The following OXR1 variants were observed in gnomAD, a reference collection of about 807,000 sequenced individuals.
OXR1 encodes oxidation resistance protein 1.
In OXR1, 41 loss-of-function variants were observed where a neutral mutation model predicts 104.6. The ratio of observed to expected loss-of-function variants is 0.39; its 90% confidence interval spans 0.31 to 0.51. The LOEUF (loss-of-function observed/expected upper bound fraction) is 0.51. Ranked by LOEUF, OXR1 falls within the 20% of genes least tolerant of loss-of-function variation. The pLI, the probability that OXR1 is intolerant of heterozygous loss-of-function variation, is 0.77. For missense variants in OXR1, 955 were observed against 1,031.9 expected, an observed-to-expected ratio of 0.93 and a Z score of 1.02; for synonymous variants, 348 against 348.4, an observed-to-expected ratio of 1.00 and a Z score of 0.01.
chr8:106,585,360 A>T (rs1347907291), intron 3 of OXR1, among the ~76,000 whole-genome samples: 2 of 152,040 alleles, frequency 1.3e-5, no homozygotes, highest in Non-Finnish European at 2.9e-5. Context: ...ATCCCAGGTT[A>T]TTTTATTCAC....
chr8:106,674,351 C>T (rs536777955), intron 3 of OXR1, among the ~76,000 whole-genome samples: 1 of 152,294 alleles, frequency 6.6e-6, no homozygotes, highest in South Asian at 2.1e-4. Context: ...GACCTGTAGT[C>T]CCTTTGGTTT....
intron 1 of OXR1, among the ~76,000 whole-genome samples, chr8:106,333,241 C>A (rs1340576960): frequency 1.3e-5 from 2 of 152,054 alleles, no homozygotes; most frequent in Non-Finnish European, 2.9e-5. Flanking sequence ...CAGCTATGAA[C>A]CATTTTACAT....
chr8:106,428,587 T>C (rs1273592930), intron 2 of OXR1, among the ~76,000 whole-genome samples: 1 of 150,916 alleles, frequency 6.6e-6, no homozygotes, highest in Non-Finnish European at 1.5e-5. Context: ...GCCACACTCA[T>C]GGGCCTGGAG....
chr8:106,644,568 G>A (rs1486689225), intron 3 of OXR1, among the ~76,000 whole-genome samples: 3 of 152,170 alleles, frequency 2.0e-5, no homozygotes, highest in Non-Finnish European at 2.9e-5. Flanking sequence ...ACTGATGGAG[G>A]CTCCACCATC....
intron 1 of OXR1, among the ~76,000 whole-genome samples, chr8:106,273,956 A>C (rs1043572376): frequency 2.0e-5 from 3 of 152,240 alleles, no homozygotes; most frequent in African/African-American, 7.2e-5. Context: ...GCTTTTTAAA[A>C]GCGATAATCT....
Position 106,706,833 on chromosome 8 carries a change from G to C in OXR1, c.1312G>C (p.Glu438Gln), listed in dbSNP as rs1483984817. 2 of 1,612,742 alleles carry C rather than the reference G, an allele frequency of 1.2e-6. No individual in the cohort carries two copies. The highest frequency in any genetic ancestry group is 3.4e-5 in the Admixed American group (2 of 59,670). ...CTTTCAAGGAATATCAGGTCCTAAA[G>C]AAGACAGCACAAGTATAAAAGGTAA... ...DNFQGISGPKEDSTSIKGNSD... is the reference protein window; with the variant it reads ...DNFQGISGPKQDSTSIKGNSD... Residue 438 changes from glutamate (E) to glutamine (Q), a missense_variant, in exon 9 of 17, where the codon GAA (glutamate) becomes CAA (glutamine). By Grantham distance (29) the Glu-to-Gln change is conservative (BLOSUM62 2). Transcript: ENST00000517566.
intron 6 of OXR1, among the ~76,000 whole-genome samples, chr8:106,687,472 G>A (rs1429203922): frequency 6.6e-6 from 1 of 152,120 alleles, no homozygotes; most frequent in African/African-American, 2.4e-5. Flanking sequence ...GGTAATCCCA[G>A]CACTTTGGGA....
chr8:106,503,556 A>G (rs559877421), intron 2 of OXR1, among the ~76,000 whole-genome samples: 1 of 152,286 alleles, frequency 6.6e-6, no homozygotes, highest in Non-Finnish European at 1.5e-5. Context: ...CTTATCCCAA[A>G]TAGGTAAGAG....
At chr8:106,567,917 G>A (rs1318157278) in intron 3 of OXR1, among the ~76,000 whole-genome samples, 1 of 152,052 alleles carries the variant, frequency 6.6e-6, no homozygotes, top group Non-Finnish European at 1.5e-5. Context: ...AAATAAAGTA[G>A]AATCATTGCT....
At chr8:106,542,154 A>G (rs1013496067) in intron 3 of OXR1, among the ~76,000 whole-genome samples, 1 of 152,188 alleles carries the variant, frequency 6.6e-6, no homozygotes, top group Non-Finnish European at 1.5e-5. Flanking sequence ...CACAATTTTA[A>G]TAGGTAGGCA....
rs869120573 is a variant in OXR1, at chr8:106,339,519, A to AAAAAAT, written c.-138-19956_-138-19955insAAAATA. On this transcript the variant is annotated intron_variant, in intron 1 of 16. Transcript: ENST00000517566. ...AAAAAAAAAAAAAAAAAAAAAAAAA[A>AAAAAAT]ATATATATATATATATATATATATA... is the stretch of plus-strand genomic sequence containing the variant. Among the ~76,000 whole-genome samples the AAAAAAT allele has an allele frequency of 3.9e-4, 13 of 33,360 alleles. 1 individual carries two copies. The highest frequency in any genetic ancestry group is 1.8e-3 in the East Asian group (1 of 564). The allele number at this position is 33,360 out of a possible 152,430, so 21.9% of individuals were successfully genotyped here.
intron 3 of OXR1, among the ~76,000 whole-genome samples, chr8:106,524,980 C>G (rs931123982): frequency 6.6e-6 from 1 of 152,170 alleles, no homozygotes; most frequent in Non-Finnish European, 1.5e-5. Context: ...CTCCTGTTTT[C>G]TTGTGTTGGC....
chr8:106,631,299 CG>C (rs1225335437), intron 3 of OXR1, among the ~76,000 whole-genome samples: 1 of 152,086 alleles, frequency 6.6e-6, no homozygotes, highest in African/African-American at 2.4e-5. Context: ...TAGAGATAAA[CG>C]TAAGTATTAC....
At chr8:106,544,556 CTCT>C (rs1352986049) in intron 3 of OXR1, among the ~76,000 whole-genome samples, 1 of 152,112 alleles carries the variant, frequency 6.6e-6, no homozygotes, top group African/African-American at 2.4e-5. Context: ...AAGAGCAATG[CTCT>C]TCTTGTGATG....
chr8:106,636,695 A>G (rs1823169358), intron 3 of OXR1, among the ~76,000 whole-genome samples: 1 of 152,056 alleles, frequency 6.6e-6, no homozygotes, highest in African/African-American at 2.4e-5. Flanking sequence ...GGATAATACA[A>G]AGGATCTAAG....
chr8:106,338,113 A>C (rs1815038487), intron 1 of OXR1, among the ~76,000 whole-genome samples: 1 of 152,188 alleles, frequency 6.6e-6, no homozygotes, highest in African/African-American at 2.4e-5. Context: ...CCAACAAACC[A>C]GACCAAACCA....
chr8:106,521,457 C>G (rs1296689079), intron 3 of OXR1, among the ~76,000 whole-genome samples: 1 of 152,108 alleles, frequency 6.6e-6, no homozygotes, highest in Admixed American at 6.5e-5. Context: ...TGTGACCCGT[C>G]AGAATCAGGC....
At chr8:106,351,188 A>G (rs886613642) in intron 1 of OXR1, among the ~76,000 whole-genome samples, 1 of 152,152 alleles carries the variant, frequency 6.6e-6, no homozygotes, top group Non-Finnish European at 1.5e-5. Context: ...CATTTTTTCA[A>G]CAAATGTTGA....
At chr8:106,478,367 T>C (rs982648196) in intron 2 of OXR1, among the ~76,000 whole-genome samples, 9 of 151,902 alleles carry the variant, frequency 5.9e-5, no homozygotes, top group African/African-American at 1.2e-4. Flanking sequence ...TCAAAGTAGA[T>C]TACTTTTTAT....
Sources: gnomAD v4.1 joint callset for allele counts (sites outside exome capture counted in the v4.1 genomes callset) on GRCh38, gnomAD v4.1.1 for gene constraint, MANE v1.5 for transcripts, NCBI Gene and HGNC (gene_info 2026-07-23, HGNC 2026-07-21) for gene names.